The following RUFY3 variants were observed in gnomAD, a reference collection of about 807,000 sequenced individuals.
The protein encoded by RUFY3 is protein RUFY3.
A neutral mutation model predicts 84.0 loss-of-function variants in RUFY3; 34 were observed. The ratio of observed to expected loss-of-function variants is 0.40; its 90% CI spans 0.31 to 0.54. The LOEUF (loss-of-function observed/expected upper bound fraction) is 0.54, where lower values mean the gene tolerates loss of function less well. Ranked by LOEUF, RUFY3 falls within the 20% of genes least tolerant of loss-of-function variation. The pLI is 0.39. For missense variants in RUFY3, 507 were observed against 736.8 expected, an observed-to-expected ratio of 0.69 and a Z score of 3.61; for synonymous variants, 242 against 252.9, an observed-to-expected ratio of 0.96 and a Z score of 0.41.
intron 1 of RUFY3, among the ~76,000 whole-genome samples, chr4:70,745,254 T>C (rs1435173239): frequency 1.3e-5 from 2 of 152,214 alleles, no homozygotes; most frequent in Admixed American, 1.3e-4. Flanking sequence ...TGAACTATTT[T>C]TTACAGTGAT....
Position 70,775,149 on chromosome 4 carries a change from T to A in RUFY3, c.759-19T>A. On this transcript the variant is annotated intron_variant, in intron 6 of 17. Coordinates refer to ENST00000381006, the MANE Select transcript of RUFY3 (RefSeq NM_001037442.4). ...CTTATGTTATTTATTTTATTTCTAT[T>A]TTCTTCCCCTTCCCCCAGAGACGGT... is the stretch of plus-strand genomic sequence containing the variant. 6.4e-6 allele frequency: 10 copies of A among 1,570,108 alleles called. No homozygotes were observed. The highest frequency in any genetic ancestry group is 8.7e-6 in the Non-Finnish European group (10 of 1,148,670).
chr4:70,727,022 G>C (rs757622505), intron 1 of RUFY3, among the ~76,000 whole-genome samples: 6 of 148,600 alleles, frequency 4.0e-5, no homozygotes, highest in Admixed American at 1.3e-4. Context: ...TTGTGAAAGC[G>C]TAGTGGGATT....
chr4:70,745,008 G>A (rs1157876406), intron 1 of RUFY3, among the ~76,000 whole-genome samples: 1 of 151,382 alleles, frequency 6.6e-6, no homozygotes, highest in Non-Finnish European at 1.5e-5. Flanking sequence ...AGGCTGGAGT[G>A]CTGTGGTGCA....
In RUFY3 at chr4:70,789,590, A is replaced by G. The variant is rs902357623; in HGVS notation, c.1335A>G (p.Gln445=). The G allele has an allele frequency of 6.2e-7, 1 of 1,612,122 alleles. No homozygotes were observed. Among genetic ancestry groups the G allele is most frequent in the Non-Finnish European group, 8.5e-7 (1 of 1,178,938 alleles). Residue 445 remains glutamine, a splice_region_variant and synonymous_variant, in exon 12 of 18, where the codon CAA becomes CAG. Transcript: ENST00000381006. The stretch of plus-strand genomic sequence containing the variant: ...CTGCTACCATTAAACAACTTGAACA[A>G]AGGTAAAAGTCCTGTTTCTTTAATG... ...QMAATIKQLE[Q]RLRQAERSRQ...
chr4:70,716,107 C>T (rs2148570872), intron 1 of RUFY3, among the ~76,000 whole-genome samples: 1 of 151,646 alleles, frequency 6.6e-6, no homozygotes, highest in Admixed American at 6.5e-5. Flanking sequence ...GAGTGAGACT[C>T]CATCTCAAAA....
chr4:70,774,670 T>TATATATATATATATATATATAA (rs766227141), intron 6 of RUFY3, among the ~76,000 whole-genome samples: 2 of 81,072 alleles, frequency 2.5e-5, no homozygotes, highest in African/African-American at 1.1e-4. Context: ...TATATATATA[T>TATATATATATATATATATATAA]AAAATAAACA....
intron 1 of RUFY3, among the ~76,000 whole-genome samples, chr4:70,737,228 A>T (rs533195272): frequency 6.6e-6 from 1 of 151,306 alleles, no homozygotes; most frequent in Admixed American, 6.6e-5. Flanking sequence ...TCATGATATT[A>T]CTTTCTCTAC....
chr4:70,754,557 G>T (rs1188718364), intron 1 of RUFY3, among the ~76,000 whole-genome samples: 1 of 149,306 alleles, frequency 6.7e-6, no homozygotes, highest in African/African-American at 2.5e-5. Context: ...AATGAGGATA[G>T]AATAAAAGTT....
At chr4:70,734,579 A>G in intron 1 of RUFY3, 1 of 985,344 alleles carries the variant, frequency 1.0e-6, no homozygotes, top group East Asian at 1.1e-4. Flanking sequence ...TAACCTGGCT[A>G]GTCACCCTTT....
intron 16 of RUFY3, among the ~76,000 whole-genome samples, 176 bp from the exon 17 acceptor site, chr4:70,804,172 A>G (rs1732585119): frequency 1.3e-5 from 2 of 152,194 alleles, no homozygotes; most frequent in Admixed American, 1.3e-4. Context: ...CTGGAAGCAT[A>G]ATGATAGGAT....
At chr4:70,800,257 G>A in intron 15 of RUFY3, 52 bp downstream of exon 15, 4 of 1,447,222 alleles carry the variant, frequency 2.8e-6, no homozygotes, top group Non-Finnish European at 2.8e-6. Flanking sequence ...TGGGGTGGTG[G>A]GAAGGAGGGA....
intron 1 of RUFY3, among the ~76,000 whole-genome samples, chr4:70,730,475 A>C (rs1266730123): frequency 6.6e-6 from 1 of 151,662 alleles, no homozygotes; most frequent in African/African-American, 2.4e-5. Context: ...GCGGTGGCTC[A>C]CACTTGTAAT....
intron 14 of RUFY3, among the ~76,000 whole-genome samples, chr4:70,796,616 G>A (rs1731541765): frequency 6.6e-6 from 1 of 152,178 alleles, no homozygotes; most frequent in Non-Finnish European, 1.5e-5. Flanking sequence ...GATATCTGTG[G>A]TGTTGGCTAT....
At chr4:70,805,696 A>G (rs1732763430) in intron 17 of RUFY3, among the ~76,000 whole-genome samples, 1 of 152,224 alleles carries the variant, frequency 6.6e-6, no homozygotes, top group Non-Finnish European at 1.5e-5. Context: ...TTCCTCTTCT[A>G]AGCCATGCAA....
At chr4:70,728,337 G>A (rs35726564) in intron 1 of RUFY3, among the ~76,000 whole-genome samples, 61 of 152,324 alleles carry the variant, frequency 4.0e-4, no homozygotes, top group Admixed American at 1.7e-3. Flanking sequence ...TGGGAGCTGC[G>A]GCTTGCTGCC....
chr4:70,704,757 CG>C (rs1740055952), upstream of RUFY3: 2 of 381,702 alleles, frequency 5.2e-6, no homozygotes, highest in Non-Finnish European at 8.8e-6. Context: ...TGGACCCTGG[CG>C]GGGCGGGCTG....
At chr4:70,761,632 A>G (rs1725053443) in intron 1 of RUFY3, among the ~76,000 whole-genome samples, 1 of 152,210 alleles carries the variant, frequency 6.6e-6, no homozygotes, top group Non-Finnish European at 1.5e-5. Context: ...GGCACAGTGT[A>G]AGCACCAATA....
intron 5 of RUFY3, among the ~76,000 whole-genome samples, 184 bp downstream of exon 5, chr4:70,768,845 G>A (rs569418744): frequency 3.3e-5 from 5 of 152,104 alleles, no homozygotes; most frequent in Admixed American, 6.6e-5. Flanking sequence ...TCATTTATAC[G>A]TTACGAATGT....
intron 1 of RUFY3, among the ~76,000 whole-genome samples, chr4:70,749,239 ATCT>A (rs922971028): frequency 4.4e-4 from 67 of 152,266 alleles, no homozygotes; most frequent in African/African-American, 1.5e-3. Context: ...GTTTCCAGAA[ATCT>A]TCTAGGTATT....
Sources: gnomAD v4.1 joint callset for allele counts (sites outside exome capture counted in the v4.1 genomes callset) on GRCh38, gnomAD v4.1.1 for gene constraint, MANE v1.5 for transcripts, NCBI Gene and HGNC (gene_info 2026-07-23, HGNC 2026-07-21) for gene names.